The following AFDN variants were observed in gnomAD, a reference collection of about 807,000 sequenced individuals.
AFDN encodes afadin, adherens junction formation factor.
In AFDN, 68 loss-of-function variants were observed where a neutral mutation model predicts 216.6. That is an observed-to-expected ratio of 0.31 (90% CI 0.26 to 0.38). AFDN has a LOEUF of 0.38. Ranked by LOEUF, AFDN falls within the 10% of genes least tolerant of loss-of-function variation. AFDN has a pLI of 1.00. For synonymous variants in AFDN, 868 were observed against 853.7 expected (o/e 1.02, Z -0.29); for missense variants, 2,136 against 2,342.0 (o/e 0.91, Z 1.82).
At chr6:167,887,175 C>A (rs778849291) in intron 6 of AFDN, among the ~76,000 whole-genome samples, 1 of 151,984 alleles carries the variant, frequency 6.6e-6, no homozygotes, top group East Asian at 1.9e-4. Flanking sequence ...ACATCTTTTT[C>A]TTTTCAGTAA....
chr6:167,837,843 A>G (rs1780615706), intron 1 of AFDN, among the ~76,000 whole-genome samples: 1 of 152,224 alleles, frequency 6.6e-6, no homozygotes, highest in South Asian at 2.1e-4. Flanking sequence ...CAATGAAACC[A>G]GTGTTTGGAA....
chr6:167,875,734 A>G (rs1785289153), intron 5 of AFDN, among the ~76,000 whole-genome samples: 1 of 152,040 alleles, frequency 6.6e-6, no homozygotes, highest in Non-Finnish European at 1.5e-5. Context: ...AAAAAAAACT[A>G]GAAAATTTCA....
chr6:167,939,546 G>T (rs1307499636), intron 23 of AFDN, among the ~76,000 whole-genome samples: 3 of 152,228 alleles, frequency 2.0e-5, no homozygotes, highest in Non-Finnish European at 4.4e-5. Context: ...AAGAATAGAA[G>T]AAGCTCCCAA....
intron 27 of AFDN, among the ~76,000 whole-genome samples, chr6:167,947,567 C>A: frequency 6.6e-6 from 1 of 152,178 alleles, no homozygotes; most frequent in Non-Finnish European, 1.5e-5. Context: ...CTCACAAAGC[C>A]TAAAGTATTT....
chr6:167,858,445 G>T (rs1783144460), intron 1 of AFDN, among the ~76,000 whole-genome samples: 2 of 152,166 alleles, frequency 1.3e-5, no homozygotes, highest in Non-Finnish European at 2.9e-5. Flanking sequence ...GTGCAATCGT[G>T]TGCTTTCTCT....
chr6:167,855,192 T>C (rs1782760802), intron 1 of AFDN, among the ~76,000 whole-genome samples: 1 of 152,082 alleles, frequency 6.6e-6, no homozygotes, highest in South Asian at 2.1e-4. Context: ...GACATGGAAT[T>C]CATAAATTAA....
chr6:167,868,089 G>A (rs1470432190), intron 2 of AFDN, among the ~76,000 whole-genome samples: 1 of 152,094 alleles, frequency 6.6e-6, no homozygotes, highest in Non-Finnish European at 1.5e-5. Context: ...GGCTGACCTG[G>A]TCATATAGTC....
chr6:167,847,972 AGT>A (rs1370302930), intron 1 of AFDN, among the ~76,000 whole-genome samples: 1 of 152,036 alleles, frequency 6.6e-6, no homozygotes, highest in African/African-American at 2.4e-5. Context: ...GCTATTTGTC[AGT>A]TATGCCAACC....
Position 167,966,034 on chromosome 6 carries a change from G to A in AFDN, c.5246G>A (p.Cys1749Tyr), listed in dbSNP as rs1277175077. ...AYNEEEEEED[C>Y]SLAGPNSYPG... ...AATGAGGAGGAGGAGGAGGAGGACT[G>A]CAGCCTAGCAGGTCAGGATAAGTAC... Residue 1749 changes from cysteine to tyrosine, a missense_variant, in exon 32 of 34, where the codon TGC becomes TAC. Physicochemically the swap from Cys to Tyr is radical, Grantham distance 194. This residue lies in a region of AFDN where 981 missense variants were observed against 966.0 expected (regional missense o/e 1.02). Coordinates refer to ENST00000683244, the MANE Select transcript of AFDN (RefSeq NM_001386888.1). 1 of 1,545,962 alleles carries A rather than the reference G, an allele frequency of 6.5e-7. No homozygotes were observed. Among genetic ancestry groups the A allele is most frequent in the Non-Finnish European group, 8.7e-7 (1 of 1,146,932 alleles).
intron 1 of AFDN, among the ~76,000 whole-genome samples, chr6:167,854,300 T>C (rs1291575868): frequency 1.3e-5 from 2 of 152,030 alleles, no homozygotes. Context: ...GGTTCGTTCT[T>C]CACAAATTTT....
intron 1 of AFDN, among the ~76,000 whole-genome samples, chr6:167,842,647 G>A (rs542373914): frequency 6.6e-6 from 1 of 152,258 alleles, no homozygotes; most frequent in African/African-American, 2.4e-5. Context: ...CCACTAGGAT[G>A]TATTATTTCA....
chr6:167,924,903 C>G (rs377222520), intron 22 of AFDN, 102 bp from the exon 23 acceptor site: 2 of 835,174 alleles, frequency 2.4e-6, no homozygotes, highest in African/African-American at 3.3e-5. Context: ...TTTCTTTCCC[C>G]ATTTGCTCCA....
chr6:167,892,077 C>T (rs192295508), intron 8 of AFDN, among the ~76,000 whole-genome samples: 1 of 152,292 alleles, frequency 6.6e-6, no homozygotes, highest in Admixed American at 6.5e-5. Context: ...CCAGCAGTCT[C>T]ATGGTACCGT....
At chr6:167,964,622 G>A in intron 31 of AFDN, 1 of 689,916 alleles carries the variant, frequency 1.4e-6, no homozygotes, top group Non-Finnish European at 1.8e-6. Context: ...CTCTGTGTGT[G>A]TGTGTGTGTG....
intron 30 of AFDN, among the ~76,000 whole-genome samples, chr6:167,956,134 A>C (rs982619637): frequency 6.6e-6 from 1 of 151,164 alleles, no homozygotes; most frequent in Admixed American, 6.6e-5. Context: ...AAAAAAAAAA[A>C]AAAAAACTAT....
At chr6:167,901,405 T>TAA (rs1439238476) in intron 11 of AFDN, among the ~76,000 whole-genome samples, 1 of 152,186 alleles carries the variant, frequency 6.6e-6, no homozygotes, top group Non-Finnish European at 1.5e-5. Flanking sequence ...CCCAGCTTGT[T>TAA]AGACTCTTCA....
At chr6:167,908,148 G>A (rs1365522682) in intron 13 of AFDN, among the ~76,000 whole-genome samples, 2 of 152,212 alleles carry the variant, frequency 1.3e-5, no homozygotes, top group Non-Finnish European at 2.9e-5. Context: ...AGGCCATTGT[G>A]TTTCCTTCAA....
intron 1 of AFDN, among the ~76,000 whole-genome samples, chr6:167,862,655 A>G (rs1372059675): frequency 1.3e-5 from 2 of 152,326 alleles, no homozygotes; most frequent in Non-Finnish European, 2.9e-5. Context: ...GATTACAGGC[A>G]TGGGCCACCG....
intron 1 of AFDN, among the ~76,000 whole-genome samples, chr6:167,863,214 A>T (rs1395769077): frequency 1.3e-5 from 2 of 152,252 alleles, no homozygotes; most frequent in Non-Finnish European, 2.9e-5. Context: ...CAGATCAGAC[A>T]TGCTGAAGTG....
Sources: allele counts gnomAD v4.1 joint callset (sites outside exome capture counted in the v4.1 genomes callset), GRCh38; gene constraint gnomAD v4.1.1; regional missense constraint gnomAD v4.1.1; transcripts MANE v1.5; gene names NCBI Gene and HGNC (gene_info 2026-07-23, HGNC 2026-07-21).